Variants in PCDHA4 observed in about 807,000 individuals in gnomAD.
PCDHA4 encodes the protein protocadherin alpha-4.
PCDHA4 carries 49 observed loss-of-function variants against 61.4 expected under a neutral mutation model. That is an observed-to-expected ratio of 0.80 (90% confidence interval 0.63 to 1.01). The LOEUF is 1.01. PCDHA4 is among the 50% of genes least tolerant of loss of function. PCDHA4 has a pLI of 0.00. For missense variants in PCDHA4, 1,254 were observed against 1,235.8 expected (o/e 1.01, Z -0.22); for synonymous variants, 590 against 550.3 (o/e 1.07, Z -1.01).
At chr5:140,901,643 G>A (rs1011127972) in intron 1 of PCDHA4, among the ~76,000 whole-genome samples, 7 of 151,908 alleles carry the variant, frequency 4.6e-5, no homozygotes, top group Non-Finnish European at 8.8e-5. Context: ...TGATTCTTCC[G>A]GTTTTGTTCT....
chr5:140,942,197 T>C (rs2093245078), intron 1 of PCDHA4, among the ~76,000 whole-genome samples: 1 of 152,170 alleles, frequency 6.6e-6, no homozygotes, highest in African/African-American at 2.4e-5. Context: ...TAAAATACAT[T>C]TTTGAGCATA....
intron 1 of PCDHA4, chr5:140,861,590 GA>G: frequency 2.7e-6 from 1 of 372,284 alleles, no homozygotes; most frequent in South Asian, 2.5e-5. Flanking sequence ...ATGTGGAGGT[GA>G]AAGTGAAGAA....
intron 1 of PCDHA4, among the ~76,000 whole-genome samples, chr5:140,959,785 C>T (rs976645506): frequency 3.5e-4 from 53 of 152,280 alleles, no homozygotes; most frequent in African/African-American, 1.2e-3. Context: ...TGTATATTAA[C>T]ATGGCTAATT....
rs183950754 is a variant in PCDHA4, at chr5:140,960,187, T to G, written c.2386-18762T>G. On this transcript the variant is annotated intron_variant, in intron 1 of 3. Coordinates refer to ENST00000530339, the MANE Select transcript of PCDHA4 (RefSeq NM_018907.4). ...CAATTCTTAAGTTAGGGGTTGCATG[T>G]GTAGTGGTCAGATGTTATTTCAGGA... 3.5e-3 allele frequency among the ~76,000 whole-genome samples: 529 copies of G among 152,196 alleles called. 22 individuals are homozygous for G. Among genetic ancestry groups the G allele is most frequent in the Admixed American group, 0.032 (493 of 15,274 alleles).
At chr5:140,966,097 C>T (rs1215509140) in intron 1 of PCDHA4, 2 of 154,754 alleles carry the variant, frequency 1.3e-5, no homozygotes, top group Non-Finnish European at 2.9e-5. Flanking sequence ...GTTAGATCCG[C>T]CGCCTGGGTG....
chr5:140,823,667 G>A (rs1767828403), intron 1 of PCDHA4: 1 of 1,614,024 alleles, frequency 6.2e-7, no homozygotes. Context: ...GGCGAGATCA[G>A]CACAACACGC....
intron 1 of PCDHA4, among the ~76,000 whole-genome samples, chr5:140,832,678 C>T (rs1282906655): frequency 6.6e-6 from 1 of 152,042 alleles, no homozygotes; most frequent in African/African-American, 2.4e-5. Context: ...TGAGAATCAT[C>T]GAATTAACAA....
At chr5:140,841,264 T>C (rs1777117018) in intron 1 of PCDHA4, 1 of 1,522,190 alleles carries the variant, frequency 6.6e-7, no homozygotes, top group Admixed American at 2.2e-5. Context: ...ACTCTGAAAG[T>C]ACAGTCGTTC....
At chr5:140,970,585 T>G (rs1554232585) in intron 1 of PCDHA4, among the ~76,000 whole-genome samples, 2 of 152,244 alleles carry the variant, frequency 1.3e-5, no homozygotes, top group Non-Finnish European at 2.9e-5. Context: ...ATAACAGAGA[T>G]ATGCTTTGTG....
chr5:140,892,219 A>T (rs1248122428), intron 1 of PCDHA4, among the ~76,000 whole-genome samples: 2 of 152,118 alleles, frequency 1.3e-5, no homozygotes, highest in Non-Finnish European at 2.9e-5. Flanking sequence ...TTGTATCTTT[A>T]TGGTGTTTTG....
intron 1 of PCDHA4, chr5:140,857,912 C>A: frequency 1.3e-6 from 2 of 1,597,766 alleles, no homozygotes; most frequent in African/African-American, 1.3e-5. Flanking sequence ...CATCCCGTTT[C>A]GCGTGGGGCT....
At chr5:140,926,771 A>G in intron 1 of PCDHA4, 3 of 1,372,492 alleles carry the variant, frequency 2.2e-6, no homozygotes, top group Admixed American at 3.2e-5. Context: ...TCCAGCCCGC[A>G]GCAGTGACGG....
chr5:140,992,017 CTGTGTGTGTGTGTGTG>C (rs10602499), intron 3 of PCDHA4, among the ~76,000 whole-genome samples: 31 of 145,626 alleles, frequency 2.1e-4, no homozygotes, highest in East Asian at 1.4e-3. Flanking sequence ...AGAGGTGGCT[CTGTGTGTGTGTGTGTG>C]TGTGTGTGTG....
chr5:140,829,625 G>C (rs138462086), intron 1 of PCDHA4: 8 of 1,612,066 alleles, frequency 5.0e-6, no homozygotes, highest in South Asian at 3.3e-5. Flanking sequence ...TTCGGTGCAC[G>C]CGGAGAGCGG....
chr5:140,824,408 C>G (rs2150134357), intron 1 of PCDHA4: 1 of 535,032 alleles, frequency 1.9e-6, no homozygotes, highest in Non-Finnish European at 3.3e-6. Context: ...AATTGTAAGA[C>G]ATAGTTTGGA....
intron 1 of PCDHA4, chr5:140,883,049 G>A: frequency 6.2e-7 from 1 of 1,614,182 alleles, no homozygotes; most frequent in South Asian, 1.1e-5. Context: ...TGGAACATTA[G>A]TGATCAAGCT....
chr5:140,898,464 T>C (rs2066757130), intron 1 of PCDHA4, among the ~76,000 whole-genome samples: 1 of 152,198 alleles, frequency 6.6e-6, no homozygotes, highest in Admixed American at 6.5e-5. Flanking sequence ...CCCCATTGCT[T>C]GTTTTTCTCA....
intron 1 of PCDHA4, chr5:140,834,139 T>C (rs1487804482): frequency 6.0e-6 from 3 of 498,162 alleles, no homozygotes; most frequent in Non-Finnish European, 7.0e-6. Flanking sequence ...ATCTGATTAA[T>C]AGTTTGTAAT....
intron 1 of PCDHA4, among the ~76,000 whole-genome samples, chr5:140,975,996 C>G (rs923472287): frequency 4.6e-5 from 7 of 152,064 alleles, no homozygotes; most frequent in African/African-American, 1.7e-4. Flanking sequence ...GAGGTACCAT[C>G]TAAGTATTAA....
Sources: allele counts gnomAD v4.1 joint callset (sites outside exome capture counted in the v4.1 genomes callset), GRCh38; gene constraint gnomAD v4.1.1; transcripts MANE v1.5; gene names NCBI Gene and HGNC (gene_info 2026-07-23, HGNC 2026-07-21).